NIBAN2: variants seen among roughly 807,000 people sequenced by gnomAD.
The protein encoded by NIBAN2 is protein Niban 2.
In NIBAN2, 36 loss-of-function variants were observed where a neutral mutation model predicts 81.8. That is an observed-to-expected ratio of 0.44 (90% CI 0.34 to 0.58). The LOEUF is 0.58. Ranked by LOEUF, NIBAN2 falls within the 20% of genes least tolerant of loss-of-function variation. The pLI is 0.02. For synonymous variants in NIBAN2, 445 were observed against 441.6 expected (o/e 1.01, Z -0.10); for missense variants, 897 against 1,014.1 (o/e 0.88, Z 1.57).
chr9:127,578,101 G>A (rs1303882143), intron 1 of NIBAN2, among the ~76,000 whole-genome samples: 1 of 151,026 alleles, frequency 6.6e-6, no homozygotes, highest in Non-Finnish European at 1.5e-5. Flanking sequence ...TGAAGCAGGA[G>A]AATCACTTGT....
chr9:127,523,657 C>T lies in NIBAN2; in HGVS notation c.589+22G>A, dbSNP rs781032306. On this transcript the variant is annotated intron_variant, in intron 5 of 13. Transcript: ENST00000373312. ...GGTCCTGCCCCTCCCTCCCACCGACCCTGCACCCACAGGCCACTCACCATT... is the reference window on the plus strand; with the variant it reads ...GGTCCTGCCCCTCCCTCCCACCGACTCTGCACCCACAGGCCACTCACCATT... 8.1e-6 allele frequency: 13 copies of T among 1,599,538 alleles called. No individual in the cohort carries two copies. The South Asian group carries it at 1.2e-4, about 15-fold the overall frequency.
At position 127,507,416 on chromosome 9, in the gene NIBAN2, G is replaced by A. The variant is rs530994276; in HGVS notation, c.1670C>T (p.Ala557Val). The change falls in exon 14 of 14, where the codon GCG (alanine) becomes GTG (valine). Residue 557 changes from alanine to valine, a missense_variant. Coordinates refer to ENST00000373312, the MANE Select transcript of NIBAN2 (RefSeq NM_022833.4). The surrounding 1 kb of genome is among the most constrained non-coding windows in gnomAD (Gnocchi z 6.8). Reference protein sequence around the residue: ...KDILQAVKEAAVQRKHNLYRD... With the variant: ...KDILQAVKEAVVQRKHNLYRD... ...GTAGAGGTTGTGCTTCCTCTGCACC[G>A]CGGCCTCCTTCACAGCTACAGGGCC... 10 of 1,511,704 alleles carry A rather than the reference G, an allele frequency of 6.6e-6. No homozygotes were observed. In the Admixed American group the frequency reaches 6.8e-5, roughly 10 times the overall value. 93.6% of individuals were successfully genotyped at this position (1,511,704 alleles called of 1,614,324 possible).
intron 1 of NIBAN2, among the ~76,000 whole-genome samples, chr9:127,532,897 C>CGGT (rs1271075939): frequency 2.0e-5 from 3 of 151,988 alleles, no homozygotes; most frequent in Non-Finnish European, 2.9e-5. Context: ...TGGCCAGGTG[C>CGGT]GGTGGTTCAC....
chr9:127,575,596 C>A (rs1837999878), intron 1 of NIBAN2, among the ~76,000 whole-genome samples: 1 of 142,818 alleles, frequency 7.0e-6, no homozygotes, highest in Admixed American at 7.3e-5. Flanking sequence ...GTGGCGGGAT[C>A]TCTGCTCACT....
chr9:127,576,192 C>T (rs1838007070), intron 1 of NIBAN2, among the ~76,000 whole-genome samples: 1 of 152,090 alleles, frequency 6.6e-6, no homozygotes, highest in Non-Finnish European at 1.5e-5. Context: ...CAGTGAGGGA[C>T]CCACCTGGTC....
chr9:127,556,353 C>T (rs1193641644), intron 1 of NIBAN2, among the ~76,000 whole-genome samples: 1 of 151,338 alleles, frequency 6.6e-6, no homozygotes, highest in Non-Finnish European at 1.5e-5. Context: ...CCCTCTGTAA[C>T]CAACCCCCAC....
chr9:127,560,736 T>C (rs1283247141), intron 1 of NIBAN2, among the ~76,000 whole-genome samples: 1 of 152,146 alleles, frequency 6.6e-6, no homozygotes, highest in Non-Finnish European at 1.5e-5. Flanking sequence ...TCAATAACTA[T>C]TGATTGAATT....
intron 5 of NIBAN2, among the ~76,000 whole-genome samples, chr9:127,518,189 C>T (rs565862509): frequency 3.3e-4 from 51 of 152,338 alleles, no homozygotes; most frequent in South Asian, 1.9e-3. Flanking sequence ...CTGAAATCCT[C>T]CCAACCACCC....
intron 1 of NIBAN2, among the ~76,000 whole-genome samples, chr9:127,578,449 C>T (rs1299197350): frequency 2.0e-5 from 3 of 150,674 alleles, no homozygotes; most frequent in Admixed American, 6.6e-5. Context: ...ATCATCTGAG[C>T]TCAGGAGTTC....
At chr9:127,554,751 G>A (rs1377691895) in intron 1 of NIBAN2, among the ~76,000 whole-genome samples, 2 of 151,238 alleles carry the variant, frequency 1.3e-5, no homozygotes, top group Non-Finnish European at 1.5e-5. Flanking sequence ...AGTAGAGACG[G>A]GGGGTGGGGG....
Position 127,508,444 on chromosome 9 carries a change from C to T in NIBAN2, c.1412G>A (p.Arg471Gln), listed in dbSNP as rs772509598. The change falls in exon 11 of 14, where the codon CGG becomes CAG. Residue 471 changes from arginine to glutamine, a missense_variant. Arg to Gln is a conservative substitution (Grantham distance 43). This residue lies in a region of NIBAN2 where 619 missense variants were observed against 691.0 expected (regional missense o/e 0.90). Transcript: ENST00000373312. The surrounding 1 kb of genome is among the most constrained non-coding windows in gnomAD (Gnocchi z 6.4). Reference protein sequence around the residue: ...TKEELCKSIQRVLERVLKKYD... With the variant: ...TKEELCKSIQQVLERVLKKYD... ...CACCTTCAGCACCCGCTCCAGGACC[C>T]GCTGGATGGACTTGCACAGCTCCTC... 17 of 1,612,812 alleles carry T rather than the reference C, an allele frequency of 1.1e-5. No homozygotes were observed. Among genetic ancestry groups the T allele is most frequent in the Admixed American group, 6.7e-5 (4 of 60,022 alleles).
At chr9:127,543,592 A>G (rs1837420372) in intron 1 of NIBAN2, among the ~76,000 whole-genome samples, 2 of 152,198 alleles carry the variant, frequency 1.3e-5, no homozygotes, top group African/African-American at 4.8e-5. Context: ...CAAGCATGTT[A>G]CACAGAATCA....
upstream of NIBAN2, chr9:127,579,007 G>A: frequency 7.0e-7 from 1 of 1,421,426 alleles, no homozygotes; most frequent in East Asian, 2.4e-5. Context: ...GCACGTCCTT[G>A]AGAGCTGTTT....
intron 1 of NIBAN2, among the ~76,000 whole-genome samples, chr9:127,554,832 G>C (rs973748646): frequency 1.3e-5 from 2 of 151,924 alleles, no homozygotes; most frequent in African/African-American, 4.8e-5. Flanking sequence ...GCCTCCCAAA[G>C]TGCTGGGATT....
rs562614239 is a variant in NIBAN2, at chr9:127,545,880, C to A, written c.56-14102G>T. Among the ~76,000 whole-genome samples, 4 of 152,236 alleles carry A rather than the reference C, an allele frequency of 2.6e-5. No individual in the cohort carries two copies. The highest frequency in any genetic ancestry group is 1.9e-4 in the East Asian group (1 of 5,190). On this transcript the variant is annotated intron_variant, in intron 1 of 13. Transcript: ENST00000373312. The surrounding 1 kb of genome is among the most constrained non-coding windows in gnomAD (Gnocchi z 4.7). ...AGCCCTCTCATCCCCTCCTGCCCCC[C>A]ACCCCGCCTGCCTGGCAGCGGCCCC... is the stretch of plus-strand genomic sequence containing the variant.
In NIBAN2 at chr9:127,514,461, A is replaced by G. The variant is rs148873187; in HGVS notation, c.973+2396T>C. On this transcript the variant is annotated intron_variant, in intron 8 of 13. Transcript: ENST00000373312. ...CCACAAAAATTAAAAATGAAAATGA[A>G]AATAAAATAAAATAAGAAAACTGCC... Among the ~76,000 whole-genome samples, 11 of 152,282 alleles carry G rather than the reference A, an allele frequency of 7.2e-5. No individual in the cohort carries two copies. The South Asian group carries it at 1.0e-3, about 14-fold the overall frequency.
Position 127,563,126 on chromosome 9 carries a change from C to T in NIBAN2, c.55+5694G>A, listed in dbSNP as rs1453711332. Among the ~76,000 whole-genome samples the T allele has an allele frequency of 1.3e-5, 2 of 152,058 alleles. No homozygotes were observed. Among genetic ancestry groups the T allele is most frequent in the East Asian group, 1.9e-4 (1 of 5,184 alleles). On this transcript the variant is annotated intron_variant, in intron 1 of 13. Coordinates refer to ENST00000373312, the MANE Select transcript of NIBAN2 (RefSeq NM_022833.4). The surrounding 1 kb of genome is among the most constrained non-coding windows in gnomAD (Gnocchi z 4.1). ...GGGTTTAGAAAGGTCCCTTTGGCAG[C>T]GTGTGTGGGAAGGACTAGAGGCTCC...
intron 2 of NIBAN2, 25 bp downstream of exon 2, chr9:127,531,623 C>G (rs762032368): frequency 4.4e-6 from 7 of 1,607,500 alleles, no homozygotes; most frequent in Non-Finnish European, 8.5e-7. Context: ...GCAGAACATA[C>G]CCGAGCCCTC....
intron 1 of NIBAN2, among the ~76,000 whole-genome samples, chr9:127,552,428 T>G (rs865894630): frequency 9.9e-5 from 15 of 151,858 alleles, no homozygotes; most frequent in Non-Finnish European, 1.9e-4. Context: ...TTTTAAAAAA[T>G]TAGCCAGGCA....
Sources: allele counts gnomAD v4.1 joint callset (sites outside exome capture counted in the v4.1 genomes callset), GRCh38; gene constraint gnomAD v4.1.1; regional missense constraint gnomAD v4.1.1; non-coding constraint Gnocchi (gnomAD v3.1); transcripts MANE v1.5; gene names NCBI Gene and HGNC (gene_info 2026-07-23, HGNC 2026-07-21).